Variants in ASPRV1 observed in about 807,000 individuals in gnomAD.
ASPRV1 encodes retroviral-like aspartic protease 1.
A neutral mutation model predicts 11.0 loss-of-function variants in ASPRV1; 7 were observed. The ratio of observed to expected loss-of-function variants is 0.64; its 90% confidence interval spans 0.36 to 1.20. The LOEUF (loss-of-function observed/expected upper bound fraction) is 1.20, where lower values mean the gene tolerates loss of function less well. Ranked by LOEUF, ASPRV1 falls within the 50% of genes most tolerant of loss-of-function variation. ASPRV1 has a pLI of 0.02. For synonymous variants in ASPRV1, 136 were observed against 138.4 expected (o/e 0.98, Z 0.12); for missense variants, 299 against 320.0 (o/e 0.93, Z 0.50).
At chr2:70,066,914 C>T in the ASPRV1 span, among the ~76,000 whole-genome samples, 1 of 152,038 alleles carries the variant, frequency 6.6e-6, no homozygotes, top group African/African-American at 2.4e-5. Flanking sequence ...ATGAAGATCA[C>T]TCTGGCTGTA....
chr2:70,015,597 C>T, the ASPRV1 span: 3 of 152,190 alleles, frequency 2.0e-5, no homozygotes, highest in African/African-American at 7.2e-5. Flanking sequence ...ATACATCCAA[C>T]ATCAAAGCTT....
At chr2:70,003,502 T>A in the ASPRV1 span, among the ~76,000 whole-genome samples, 2 of 152,166 alleles carry the variant, frequency 1.3e-5, no homozygotes, top group Non-Finnish European at 2.9e-5. Context: ...GCTCTCTCTG[T>A]GAAGAAAGAT....
chr2:70,042,969 C>G, the ASPRV1 span, among the ~76,000 whole-genome samples: 1 of 152,140 alleles, frequency 6.6e-6, no homozygotes, highest in Non-Finnish European at 1.5e-5. Context: ...AGGGTGGAGG[C>G]ATCTATAAAC....
At chr2:69,985,263 CTT>C in the ASPRV1 span, among the ~76,000 whole-genome samples, 1,737 of 151,836 alleles carry the variant, frequency 0.011, 36 homozygotes, top group African/African-American at 0.04. Context: ...CCTTTTTTCT[CTT>C]TCTTTTGGAA....
chr2:70,034,508 T>A, the ASPRV1 span, among the ~76,000 whole-genome samples: 3 of 151,532 alleles, frequency 2.0e-5, no homozygotes, highest in Non-Finnish European at 4.4e-5. Context: ...GAGGTGGACG[T>A]TGCACTAAGC....
At chr2:70,056,605 A>AC in the ASPRV1 span, 1 of 5,458 alleles carries the variant, frequency 1.8e-4, no homozygotes, top group Non-Finnish European at 1.6e-3. Flanking sequence ...ACTCCGTCTC[A>AC]AAAAAAAAAA....
the ASPRV1 span, among the ~76,000 whole-genome samples, chr2:70,023,242 G>C: frequency 6.6e-6 from 1 of 152,206 alleles, no homozygotes; most frequent in Non-Finnish European, 1.5e-5. Context: ...AGGAGTTCAG[G>C]TGTCTTGTCT....
chr2:70,045,068 G>A, the ASPRV1 span, among the ~76,000 whole-genome samples: 1 of 152,154 alleles, frequency 6.6e-6, no homozygotes, highest in African/African-American at 2.4e-5. Flanking sequence ...TCTATATATA[G>A]AATCTAGTAT....
chr2:69,934,629 A>G, the ASPRV1 span, among the ~76,000 whole-genome samples: 3 of 152,218 alleles, frequency 2.0e-5, no homozygotes, highest in Non-Finnish European at 4.4e-5. Context: ...GAGTTTGTCT[A>G]CATACAAGAA....
At chr2:69,946,028 AC>A in the ASPRV1 span, among the ~76,000 whole-genome samples, 2 of 151,948 alleles carry the variant, frequency 1.3e-5, no homozygotes, top group African/African-American at 4.8e-5. Context: ...GCCAACCAAC[AC>A]CATTGGCCAG....
At chr2:70,047,943 T>C in the ASPRV1 span, among the ~76,000 whole-genome samples, 1 of 151,570 alleles carries the variant, frequency 6.6e-6, no homozygotes, top group African/African-American at 2.4e-5. Flanking sequence ...ATGCCGTCTC[T>C]ACTAAAAGCA....
chr2:69,996,832 A>G, the ASPRV1 span: 1 of 431,760 alleles, frequency 2.3e-6, no homozygotes. Context: ...GCTGTCTGAG[A>G]ATGCTGATGG....
the ASPRV1 span, among the ~76,000 whole-genome samples, chr2:69,952,244 G>T: frequency 6.6e-6 from 1 of 152,154 alleles, no homozygotes; most frequent in Non-Finnish European, 1.5e-5. Flanking sequence ...GAAAGAAATT[G>T]CCTGGCCGGG....
chr2:69,970,611 C>T, the ASPRV1 span, among the ~76,000 whole-genome samples: 306 of 152,288 alleles, frequency 2.0e-3, 1 homozygote, highest in Middle Eastern at 0.027. Context: ...CTCAGGGTCT[C>T]CCTCCTCTAA....
the ASPRV1 span, chr2:70,056,447 T>C: frequency 6.6e-6 from 1 of 151,198 alleles, no homozygotes. Flanking sequence ...CTACTAAAAA[T>C]ACAAAAAATT....
the ASPRV1 span, chr2:70,071,742 A>C: frequency 1.3e-5 from 2 of 151,970 alleles, no homozygotes; most frequent in Admixed American, 1.3e-4. Context: ...ACTCCGTCTC[A>C]AATATAAATA....
the ASPRV1 span, among the ~76,000 whole-genome samples, chr2:70,036,472 A>G: frequency 6.6e-6 from 1 of 152,296 alleles, no homozygotes; most frequent in East Asian, 1.9e-4. Context: ...ATCTAAAGAC[A>G]CTTTATAGAA....
chr2:70,048,414 TAAAAGAAAAAAAA>T, the ASPRV1 span, among the ~76,000 whole-genome samples: 3 of 148,466 alleles, frequency 2.0e-5, no homozygotes, highest in African/African-American at 2.5e-5. Context: ...AACTCTGTCT[TAAAAGAAAAAAAA>T]AAAAGAAAAA....
chr2:70,038,245 T>C, the ASPRV1 span, among the ~76,000 whole-genome samples: 1 of 152,214 alleles, frequency 6.6e-6, no homozygotes, highest in Admixed American at 6.5e-5. Context: ...ATTCTTTGTG[T>C]AGCTAAAGAA....
Sources: allele counts gnomAD v4.1 joint callset (sites outside exome capture counted in the v4.1 genomes callset), GRCh38; gene constraint gnomAD v4.1.1; transcripts MANE v1.5; gene names NCBI Gene and HGNC (gene_info 2026-07-23, HGNC 2026-07-21).